The following CCDC88C variants were observed in gnomAD, a reference collection of about 807,000 sequenced individuals.
CCDC88C encodes the protein protein Daple.
Under a neutral mutation model 198.8 loss-of-function variants are expected in CCDC88C, and 131 were observed. The ratio of observed to expected loss-of-function variants is 0.66; its 90% CI spans 0.57 to 0.76. The LOEUF is 0.76. Among genes scored for constraint, CCDC88C ranks in the 30% least tolerant of loss-of-function variants. The pLI is 0.00. For synonymous variants in CCDC88C, 1,166 were observed against 1,114.7 expected (o/e 1.05, Z -0.92); for missense variants, 2,553 against 2,631.6 (o/e 0.97, Z 0.65).
chr14:91,364,729 C>T (rs1460320753), intron 3 of CCDC88C, among the ~76,000 whole-genome samples: 1 of 152,200 alleles, frequency 6.6e-6, no homozygotes, highest in Non-Finnish European at 1.5e-5. Flanking sequence ...CCATTCCCAG[C>T]TCCCAACCCA....
chr14:91,318,998 C>T (rs1036775918), intron 13 of CCDC88C, among the ~76,000 whole-genome samples: 2 of 150,900 alleles, frequency 1.3e-5, no homozygotes, highest in African/African-American at 4.9e-5. Flanking sequence ...GTAAATGACA[C>T]TGCCAGGACT....
chr14:91,400,956 C>A (rs1343515446), intron 3 of CCDC88C, among the ~76,000 whole-genome samples: 1 of 151,884 alleles, frequency 6.6e-6, no homozygotes, highest in African/African-American at 2.4e-5. Flanking sequence ...AATTCTGAGA[C>A]AATGATAGTA....
chr14:91,339,197 G>T lies in CCDC88C; in HGVS notation c.809+81C>A. 6.6e-7 allele frequency: 1 copy of T among 1,511,684 alleles called. No individual in the cohort carries two copies. The highest frequency in any genetic ancestry group is 9.1e-7 in the Non-Finnish European group (1 of 1,104,276). 93.6% of individuals were successfully genotyped at this position (1,511,684 alleles called of 1,614,324 possible). Reference sequence around the variant, plus strand: ...ACACGTCAGAGCTGTGCCATTGGCAGCACCACACATGTGAGTCGACACCAC... The same window carrying T: ...ACACGTCAGAGCTGTGCCATTGGCATCACCACACATGTGAGTCGACACCAC... On this transcript the variant is annotated intron_variant, in intron 8 of 29. Coordinates refer to ENST00000389857, the MANE Select transcript of CCDC88C (RefSeq NM_001080414.4). This position sits in a 1 kb window ranked among gnomAD's most constrained non-coding sequence, Gnocchi z 5.8.
Position 91,307,161 on chromosome 14 carries a change from G to GA in CCDC88C, c.3071dup (p.Lys1025GlnfsTer22). 1 of 1,613,940 alleles carries GA rather than the reference G, an allele frequency of 6.2e-7. No homozygotes were observed. The highest frequency in any genetic ancestry group is 8.5e-7 in the Non-Finnish European group (1 of 1,179,886). ...CGGCTGTCTTCCCCGCAGGGTGCTT[G>GA]AAAGAGTTCTGCAAGTGCTGCCCCT... On this transcript the variant is annotated frameshift_variant, in exon 18 of 30. Transcript: ENST00000389857. LOFTEE classifies it high-confidence loss of function.
intron 3 of CCDC88C, among the ~76,000 whole-genome samples, chr14:91,406,694 C>T (rs1279312894): frequency 1.3e-5 from 2 of 152,260 alleles, no homozygotes; most frequent in South Asian, 2.1e-4. Context: ...CCATGCCCTG[C>T]GTATCTGCTG....
chr14:91,273,322 C>A lies in CCDC88C; in HGVS notation c.5390G>T (p.Arg1797Leu), dbSNP rs201814255. Residue 1797 changes from arginine to leucine, a missense_variant, in exon 30 of 30, where the codon CGC becomes CTC. Arg to Leu is a moderately radical substitution (Grantham distance 102, BLOSUM62 -2). Coordinates refer to ENST00000389857, the MANE Select transcript of CCDC88C (RefSeq NM_001080414.4). This position sits in a 1 kb window ranked among gnomAD's most constrained non-coding sequence, Gnocchi z 5.6. Reference protein sequence around the residue: ...VPPASHAPASRSASLSRAFSL... With the variant: ...VPPASHAPASLSASLSRAFSL... The stretch of plus-strand genomic sequence containing the variant: ...GAAGGCCCGGCTCAAGGAGGCACTG[C>A]GGCTGGCAGGTGCATGGGAAGCTGG... 8 of 1,552,402 alleles carry A rather than the reference C, an allele frequency of 5.2e-6. No individual in the cohort carries two copies. In the South Asian group the frequency reaches 7.0e-5, roughly 14 times the overall value.
In CCDC88C at chr14:91,297,317, G is replaced by A. The variant is rs377101186; in HGVS notation, c.3954C>T (p.Asp1318=). 6 of 1,613,098 alleles carry A rather than the reference G, an allele frequency of 3.7e-6. No homozygotes were observed. In the African/African-American group the frequency reaches 8.0e-5, roughly 22 times the overall value. Residue 1318 remains aspartate (D), a synonymous_variant, in exon 22 of 30, where the codon GAC becomes GAT. Transcript: ENST00000389857. ...GCGCTGGCCTCACCTCACAGTGGTT[G>A]TCCAGCTTGGTCAGCGAGATGTCCA... ...QTMDISLTKL[D]NHCELLSRLK...
rs1238577789 is a variant in CCDC88C, at chr14:91,325,881, C to T, written c.1197+29G>A. 3 of 1,539,486 alleles carry T rather than the reference C, an allele frequency of 1.9e-6. No homozygotes were observed. Among genetic ancestry groups the T allele is most frequent in the East Asian group, 2.5e-5 (1 of 40,432 alleles). On this transcript the variant is annotated intron_variant, in intron 11 of 29. Coordinates refer to ENST00000389857, the MANE Select transcript of CCDC88C (RefSeq NM_001080414.4). This position sits in a 1 kb window ranked among gnomAD's most constrained non-coding sequence, Gnocchi z 4.1. ...ACTGTGCCCGAGCCCAATCTGTTTT[C>T]AATGTAGTAACAACACAGCCTGCAG...
intron 4 of CCDC88C, among the ~76,000 whole-genome samples, chr14:91,359,123 C>T (rs1470155557): frequency 6.6e-6 from 1 of 151,222 alleles, no homozygotes; most frequent in African/African-American, 2.4e-5. Context: ...CCTCACTGGC[C>T]TCTGCACACA....
intron 24 of CCDC88C, among the ~76,000 whole-genome samples, chr14:91,289,620 C>T (rs932855615): frequency 2.0e-5 from 3 of 152,094 alleles, no homozygotes; most frequent in African/African-American, 2.4e-5. Flanking sequence ...GAAGTGATGC[C>T]GTGCTTAATT....
chr14:91,359,160 C>CTTTTTTTTTTTTTTTTTT, intron 4 of CCDC88C, among the ~76,000 whole-genome samples: 1 of 108,656 alleles, frequency 9.2e-6, no homozygotes, highest in Non-Finnish European at 1.8e-5. Flanking sequence ...AGGCTTCATT[C>CTTTTTTTTTTTTTTTTTT]TTTTTTTTTT....
Position 91,293,375 on chromosome 14 carries a change from TG to T in CCDC88C, c.4112+797del, listed in dbSNP as rs1890787063. 2.8e-4 allele frequency among the ~76,000 whole-genome samples: 7 copies of T among 24,906 alleles called. 1 individual carries two copies. The highest frequency in any genetic ancestry group is 1.4e-3 in the South Asian group (1 of 734). The allele number at this position is 24,906 out of a possible 152,430, so 16.3% of individuals were successfully genotyped here. On this transcript the variant is annotated intron_variant, in intron 23 of 29. Transcript: ENST00000389857. ...CCTCGCCTGCCACGGCCCACCTTCC[TG>T]CCCCCTCGCCTGCCACAGCCCACCT...
At position 91,273,345 on chromosome 14, in the gene CCDC88C, T is replaced by TG; in HGVS notation, c.5366dup (p.Ala1790SerfsTer22). The TG allele has an allele frequency of 6.5e-7, 1 of 1,543,346 alleles. No individual in the cohort carries two copies. ...TGCGGCTGGCAGGTGCATGGGAAGC[T>TG]GGGGGCACCGGAGCCTGCCGGGGTC... On this transcript the variant is annotated frameshift_variant, in exon 30 of 30. Transcript: ENST00000389857. LOFTEE classifies it low-confidence loss of function (END_TRUNC). The surrounding 1 kb of genome is among the most constrained non-coding windows in gnomAD (Gnocchi z 5.6).
At position 91,308,388 on chromosome 14, in the gene CCDC88C, G is replaced by A. The variant is rs201174781; in HGVS notation, c.2969C>T (p.Ala990Val). The A allele has an allele frequency of 4.3e-5, 70 of 1,613,972 alleles. No individual in the cohort carries two copies. The African/African-American group carries it at 6.4e-4, about 15-fold the overall frequency. Residue 990 changes from alanine to valine, a missense_variant, in exon 17 of 30, where the codon GCG becomes GTG. By Grantham distance (64) the Ala-to-Val change is moderately conservative. Transcript: ENST00000389857. ...VLLEAQMEEK[A>V]SLNRQLESEL... ...ACTCTCTAACTGGCGATTTAGGCTC[G>A]CTTTCTCTTCCATCTGTGCTTCTAA...
At chr14:91,296,239 T>G (rs1473394487) in intron 22 of CCDC88C, among the ~76,000 whole-genome samples, 3 of 152,192 alleles carry the variant, frequency 2.0e-5, no homozygotes, top group Non-Finnish European at 4.4e-5. Context: ...CCTTGTCCCC[T>G]CTCGTGACCT....
intron 25 of CCDC88C, chr14:91,285,801 T>C: frequency 7.8e-7 from 1 of 1,289,048 alleles, no homozygotes; most frequent in Non-Finnish European, 1.0e-6. Context: ...TCCTTGTTTT[T>C]GCTTTTCAAA....
At chr14:91,387,409 G>A (rs1028861396) in intron 3 of CCDC88C, among the ~76,000 whole-genome samples, 1 of 152,196 alleles carries the variant, frequency 6.6e-6, no homozygotes, top group Non-Finnish European at 1.5e-5. Context: ...CAAAGGCCCA[G>A]TCAGGCCAAG....
chr14:91,363,844 G>C (rs539764698), intron 3 of CCDC88C, among the ~76,000 whole-genome samples: 2 of 152,382 alleles, frequency 1.3e-5, no homozygotes, highest in African/African-American at 4.8e-5. Context: ...CCTCTGGGCT[G>C]GCCCTCAGTC....
chr14:91,273,183 G>A lies in CCDC88C; in HGVS notation c.5529C>T (p.His1843=). 1.9e-6 allele frequency: 3 copies of A among 1,577,284 alleles called. No homozygotes were observed. The highest frequency in any genetic ancestry group is 2.6e-6 in the Non-Finnish European group (3 of 1,161,810). ...TGGGGGGTGCGGGGCTTTGCAGGGT[G>A]TGGCTGCCTGTCTCTCTGCCCCCTA... ...EALGGRETGS[H]TLQSPAPPSS... is the part of the protein sequence containing the mutation. The change falls in exon 30 of 30, where the codon CAC becomes CAT. Residue 1843 remains histidine, a synonymous_variant. Coordinates refer to ENST00000389857, the MANE Select transcript of CCDC88C (RefSeq NM_001080414.4). This position sits in a 1 kb window ranked among gnomAD's most constrained non-coding sequence, Gnocchi z 5.6.
Sources: allele counts gnomAD v4.1 joint callset (sites outside exome capture counted in the v4.1 genomes callset), GRCh38; gene constraint gnomAD v4.1.1; non-coding constraint Gnocchi (gnomAD v3.1); transcripts MANE v1.5; gene names NCBI Gene and HGNC (gene_info 2026-07-23, HGNC 2026-07-21).